A1CF: variants seen among roughly 807,000 people sequenced by gnomAD.
A1CF encodes APOBEC1 complementation factor, also known as APOBEC-1 stimulating protein.
A neutral mutation model predicts 68.9 loss-of-function variants in A1CF; 48 were observed. The observed-to-expected ratio is 0.70, with a 90% CI of 0.55 to 0.89. A1CF has a LOEUF of 0.89. Ranked by LOEUF, A1CF falls within the 40% of genes least tolerant of loss-of-function variation. The pLI, the probability that A1CF is intolerant of heterozygous loss-of-function variation, is 0.00. For missense variants in A1CF, 653 were observed against 718.9 expected, an observed-to-expected ratio of 0.91 and a Z score of 1.05; for synonymous variants, 272 against 260.4, an observed-to-expected ratio of 1.04 and a Z score of -0.43.
At chr10:50,844,367 T>A (rs938305465) in intron 3 of A1CF, among the ~76,000 whole-genome samples, 7 of 148,360 alleles carry the variant, frequency 4.7e-5, no homozygotes, top group African/African-American at 1.0e-4. Context: ...AGGCAAATAT[T>A]TTTTTTTTCT....
intron 5 of A1CF, among the ~76,000 whole-genome samples, chr10:50,840,289 T>A (rs1839715302): frequency 1.3e-5 from 2 of 151,900 alleles, no homozygotes; most frequent in African/African-American, 2.4e-5. Context: ...TTTTTTTTTT[T>A]ATCATTTGTC....
intron 5 of A1CF, among the ~76,000 whole-genome samples, chr10:50,839,551 A>G (rs887818628): frequency 2.0e-5 from 3 of 152,248 alleles, no homozygotes; most frequent in Admixed American, 6.5e-5. Context: ...GCTGGACCCC[A>G]GATCTCCTGA....
chr10:50,849,826 C>T (rs1243370583), intron 3 of A1CF, among the ~76,000 whole-genome samples: 4 of 120,158 alleles, frequency 3.3e-5, no homozygotes, highest in African/African-American at 1.2e-4. Flanking sequence ...CGGAGTCTCG[C>T]TCTGTCGCCC....
intron 1 of A1CF, among the ~76,000 whole-genome samples, chr10:50,870,621 A>G (rs1409146107): frequency 6.6e-6 from 1 of 151,912 alleles, no homozygotes; most frequent in Non-Finnish European, 1.5e-5. Flanking sequence ...CATAATCTAT[A>G]TTGAAAACAT....
At chr10:50,850,682 G>A (rs1342389002) in intron 3 of A1CF, 1 of 1,613,962 alleles carries the variant, frequency 6.2e-7, no homozygotes, top group South Asian at 1.1e-5. Context: ...AGCAAAGTTT[G>A]CAAAATGATG....
At chr10:50,844,355 C>T (rs1250162888) in intron 3 of A1CF, among the ~76,000 whole-genome samples, 3 of 151,446 alleles carry the variant, frequency 2.0e-5, no homozygotes, top group Admixed American at 1.3e-4. Context: ...TTGTAAACTG[C>T]TAGGCAAATA....
chr10:50,881,029 G>A (rs145970807), intron 1 of A1CF, among the ~76,000 whole-genome samples: 8,444 of 149,902 alleles, frequency 0.056, 318 homozygotes, highest in Admixed American at 0.11. Context: ...TCACTCTGTC[G>A]CCTAGGCTGG....
chr10:50,819,629 C>T (rs745456129), intron 8 of A1CF, among the ~76,000 whole-genome samples: 35 of 152,090 alleles, frequency 2.3e-4, no homozygotes, highest in Admixed American at 1.0e-3. Context: ...ATGCCAGATC[C>T]GATAGGTAAC....
intron 4 of A1CF, among the ~76,000 whole-genome samples, chr10:50,842,424 A>AAATTCCC (rs1472308433): frequency 1.3e-5 from 2 of 152,218 alleles, no homozygotes; most frequent in African/African-American, 4.8e-5. Flanking sequence ...CAGTTTGGGC[A>AAATTCCC]AGATGGTGAC....
At chr10:50,844,152 G>A in intron 3 of A1CF, 30 bp from the exon 4 acceptor site, 1 of 1,594,176 alleles carries the variant, frequency 6.3e-7, no homozygotes, top group Admixed American at 1.9e-5. Context: ...GTGAAGGAGA[G>A]GAGAAAATGA....
intron 1 of A1CF, among the ~76,000 whole-genome samples, chr10:50,864,364 G>A (rs1041942158): frequency 2.0e-5 from 3 of 152,134 alleles, no homozygotes; most frequent in Non-Finnish European, 4.4e-5. Context: ...GAAAGGGCCT[G>A]ATGAAATGTC....
chr10:50,871,326 G>A (rs181354463), intron 1 of A1CF, among the ~76,000 whole-genome samples: 110 of 151,858 alleles, frequency 7.2e-4, no homozygotes, highest in African/African-American at 2.1e-3. Flanking sequence ...TAAACTTAAC[G>A]AGAAAAGTTT....
intron 6 of A1CF, among the ~76,000 whole-genome samples, chr10:50,828,892 AT>A (rs1483528594): frequency 6.6e-6 from 1 of 152,300 alleles, no homozygotes; most frequent in Admixed American, 6.5e-5. Flanking sequence ...CTTTCACAAC[AT>A]GAATAAATTG....
At position 50,851,182 on chromosome 10, in the gene A1CF, G is replaced by T. The variant is rs150824238; in HGVS notation, c.100-7060C>A. Among the ~76,000 whole-genome samples the T allele has an allele frequency of 1.4e-4, 21 of 152,282 alleles. 1 individual carries two copies. Among genetic ancestry groups the T allele is most frequent in the South Asian group, 1.0e-3 (5 of 4,826 alleles). On this transcript the variant is annotated intron_variant, in intron 3 of 12. Coordinates refer to ENST00000373997, the MANE Select transcript of A1CF (RefSeq NM_014576.4). ...AATTTCTGACAAGCTGAGGGACTTG[G>T]CAAGGCACTAAATCTATTCTGACTT...
At chr10:50,884,146 C>T (rs181362057) in intron 1 of A1CF, among the ~76,000 whole-genome samples, 9 of 151,870 alleles carry the variant, frequency 5.9e-5, no homozygotes, top group African/African-American at 1.9e-4. Flanking sequence ...TTATTAACAT[C>T]CACTGAATAT....
intron 8 of A1CF, among the ~76,000 whole-genome samples, chr10:50,819,938 A>C (rs1021889303): frequency 1.3e-5 from 2 of 152,118 alleles, no homozygotes; most frequent in Admixed American, 1.3e-4. Context: ...TATTCCTCCA[A>C]CCAACTTTTA....
At chr10:50,820,740 AT>A (rs538050280) in intron 7 of A1CF, 91 bp from the exon 8 acceptor site, 23 of 941,878 alleles carry the variant, frequency 2.4e-5, no homozygotes, top group Non-Finnish European at 3.1e-5. Context: ...AGAGTATTTG[AT>A]TTTTTTTATG....
rs1380392181 is a variant in A1CF, at chr10:50,805,058, C to T, written c.*1671G>A. 1 of 152,172 alleles carries T rather than the reference C, an allele frequency of 6.6e-6. No homozygotes were observed. Among genetic ancestry groups the T allele is most frequent in the Non-Finnish European group, 1.5e-5 (1 of 68,024 alleles). 9.4% of individuals were successfully genotyped at this position (152,172 alleles called of 1,614,324 possible). A position where few individuals can be genotyped will look rare whatever the true frequency, so the allele number is the denominator to read the frequency against. On this transcript the variant is annotated 3_prime_UTR_variant, in exon 13 of 13. Transcript: ENST00000373997. ...GGCCTTTCAGAGTTTCAGCTGTAGC[C>T]TTGGAGGCTTTGTTATCTCATTGGA... is the stretch of plus-strand genomic sequence containing the variant.
At chr10:50,818,479 A>G (rs915034364) in intron 8 of A1CF, among the ~76,000 whole-genome samples, 1 of 152,022 alleles carries the variant, frequency 6.6e-6, no homozygotes, top group Non-Finnish European at 1.5e-5. Flanking sequence ...AGCTGCAAAA[A>G]TTGGGAATTT....
Sources: allele counts gnomAD v4.1 joint callset (sites outside exome capture counted in the v4.1 genomes callset), GRCh38; gene constraint gnomAD v4.1.1; transcripts MANE v1.5; gene names NCBI Gene and HGNC (gene_info 2026-07-23, HGNC 2026-07-21).